GRB2: variants seen among roughly 807,000 people sequenced by gnomAD.
The protein encoded by GRB2 is growth factor receptor-bound protein 2.
Under a neutral mutation model 27.4 loss-of-function variants are expected in GRB2, and 2 were observed. The ratio of observed to expected loss-of-function variants is 0.07; its 90% CI spans 0.03 to 0.23. The LOEUF is 0.23. GRB2 is among the 10% of genes least tolerant of loss of function. The pLI is 1.00. For synonymous variants in GRB2, 94 were observed against 99.6 expected (o/e 0.94, Z 0.33); for missense variants, 102 against 282.4 (o/e 0.36, Z 4.58).
intron 2 of GRB2, among the ~76,000 whole-genome samples, chr17:75,349,676 C>T (rs769879200): frequency 2.6e-5 from 4 of 151,924 alleles, no homozygotes; most frequent in Non-Finnish European, 5.9e-5. Flanking sequence ...CCCACCACCA[C>T]GCCTGGCTAA....
At chr17:75,345,209 A>AT (rs1481829376) in intron 2 of GRB2, among the ~76,000 whole-genome samples, 2 of 151,244 alleles carry the variant, frequency 1.3e-5, no homozygotes, top group Admixed American at 1.3e-4. Flanking sequence ...CGCCTGGCTA[A>AT]TTTTTTTTGT....
intron 2 of GRB2, among the ~76,000 whole-genome samples, chr17:75,370,336 T>C (rs1177076960): frequency 6.6e-6 from 1 of 152,232 alleles, no homozygotes; most frequent in Non-Finnish European, 1.5e-5. Flanking sequence ...GTGTCAAATC[T>C]GTCCGCATGA....
intron 2 of GRB2, among the ~76,000 whole-genome samples, chr17:75,336,172 C>T (rs1567859417): frequency 6.6e-6 from 1 of 152,156 alleles, no homozygotes; most frequent in Non-Finnish European, 1.5e-5. Flanking sequence ...AAGCATCATC[C>T]TATAGTAATA....
At position 75,320,592 on chromosome 17, in the gene GRB2, T is replaced by C. The variant is rs2078451908; in HGVS notation, c.469-39A>G. 2 of 1,561,526 alleles carry C rather than the reference T, an allele frequency of 1.3e-6. No homozygotes were observed. The highest frequency in any genetic ancestry group is 2.3e-5 in the East Asian group (1 of 44,280). ...GCAGGAAAAACCCACATTGCATTCC[T>C]GGTCTGTGACTGGCCACCTCCGAGG... On this transcript the variant is annotated intron_variant, in intron 5 of 5. Coordinates refer to ENST00000316804, the MANE Select transcript of GRB2 (RefSeq NM_002086.5). This position sits in a 1 kb window ranked among gnomAD's most constrained non-coding sequence, Gnocchi z 4.3.
chr17:75,323,481 C>T (rs2078474588), intron 4 of GRB2, among the ~76,000 whole-genome samples: 1 of 152,182 alleles, frequency 6.6e-6, no homozygotes, highest in African/African-American at 2.4e-5. Flanking sequence ...CTCAAAACAT[C>T]CTAAAACTAA....
At chr17:75,344,769 A>C (rs2078643829) in intron 2 of GRB2, among the ~76,000 whole-genome samples, 2 of 152,088 alleles carry the variant, frequency 1.3e-5, no homozygotes, top group African/African-American at 4.8e-5. Context: ...TAACAGAAGG[A>C]GGCTTTTAAT....
intron 2 of GRB2, among the ~76,000 whole-genome samples, chr17:75,370,448 G>A (rs1214516020): frequency 6.6e-6 from 1 of 152,190 alleles, no homozygotes; most frequent in Non-Finnish European, 1.5e-5. Context: ...CTTCCAGGCT[G>A]GTACAGCTAT....
At chr17:75,334,207 G>A (rs1178265764) in intron 2 of GRB2, among the ~76,000 whole-genome samples, 2 of 151,614 alleles carry the variant, frequency 1.3e-5, no homozygotes, top group Non-Finnish European at 1.5e-5. Context: ...GTCTCGCTCT[G>A]TCGCCCAGGC....
intron 2 of GRB2, among the ~76,000 whole-genome samples, chr17:75,346,578 CTTTTTT>C (rs775027742): frequency 1.2e-4 from 8 of 68,754 alleles, no homozygotes; most frequent in South Asian, 6.5e-4. Flanking sequence ...CTTTTCTTGC[CTTTTTT>C]TTTTTTTTTT....
chr17:75,367,749 T>C (rs188053499), intron 2 of GRB2, among the ~76,000 whole-genome samples: 23 of 152,368 alleles, frequency 1.5e-4, no homozygotes, highest in Non-Finnish European at 2.5e-4. Flanking sequence ...ATTCCTAATT[T>C]ACTCATTTCT....
chr17:75,321,257 A>G lies in GRB2; in HGVS notation c.468+402T>C, dbSNP rs140234518. On this transcript the variant is annotated intron_variant, in intron 5 of 5. Coordinates refer to ENST00000316804, the MANE Select transcript of GRB2 (RefSeq NM_002086.5). Reference sequence around the variant, plus strand: ...AGTGGTGCAATCTCAGCTCACTACAATCTCCACCTCCTGGGTTCAAGCAAT... The same window carrying G: ...AGTGGTGCAATCTCAGCTCACTACAGTCTCCACCTCCTGGGTTCAAGCAAT... 7.5e-3 allele frequency among the ~76,000 whole-genome samples: 1,099 copies of G among 146,862 alleles called. 8 individuals carry two copies. The highest frequency in any genetic ancestry group is 0.026 in the African/African-American group (1,018 of 38,560).
Position 75,320,095 on chromosome 17 carries a change from A to G in GRB2, c.*273T>C. 1 of 366,082 alleles carries G rather than the reference A, an allele frequency of 2.7e-6. No individual in the cohort carries two copies. The allele number at this position is 366,082 out of a possible 1,614,324, so 22.7% of individuals were successfully genotyped here. On this transcript the variant is annotated 3_prime_UTR_variant, in exon 6 of 6. Coordinates refer to ENST00000316804, the MANE Select transcript of GRB2 (RefSeq NM_002086.5). The surrounding 1 kb of genome is among the most constrained non-coding windows in gnomAD (Gnocchi z 4.3). The stretch of plus-strand genomic sequence containing the variant: ...TGCACTGATGGACAGAAGAGAAAAA[A>G]GGATGAAAAAAAAGACAAAGGAGGG...
intron 1 of GRB2, chr17:75,394,378 A>G (rs2079017688): frequency 6.6e-6 from 1 of 152,194 alleles, no homozygotes; most frequent in Admixed American, 6.5e-5. Context: ...ATTTACTGCT[A>G]CAAGCACCGG....
At chr17:75,349,994 T>C (rs571678779) in intron 2 of GRB2, among the ~76,000 whole-genome samples, 2 of 151,020 alleles carry the variant, frequency 1.3e-5, no homozygotes, top group Non-Finnish European at 2.9e-5. Context: ...CTAATGTTCA[T>C]ACCTATTAAC....
At chr17:75,330,080 G>A (rs1029293472) in intron 3 of GRB2, among the ~76,000 whole-genome samples, 2 of 151,976 alleles carry the variant, frequency 1.3e-5, no homozygotes, top group African/African-American at 4.8e-5. Context: ...TGTTTTGAAA[G>A]TCTTTAAAAA....
chr17:75,338,709 G>A, intron 2 of GRB2: 1 of 468,722 alleles, frequency 2.1e-6, no homozygotes. Context: ...CAAAGAGACT[G>A]AAAATAATGT....
At position 75,389,083 on chromosome 17, in the gene GRB2, T is replaced by C. The variant is rs917145716; in HGVS notation, c.78+4468A>G. Among the ~76,000 whole-genome samples, 12 of 152,136 alleles carry C rather than the reference T, an allele frequency of 7.9e-5. 1 individual carries two copies. Among genetic ancestry groups the C allele is most frequent in the Non-Finnish European group, 1.8e-4 (12 of 68,014 alleles). On this transcript the variant is annotated intron_variant, in intron 2 of 5. Coordinates refer to ENST00000316804, the MANE Select transcript of GRB2 (RefSeq NM_002086.5). ...CCAGCCTTGCCCCCTTGCAATTCTT[T>C]ATACACACACACACAATGCTCTTCA...
chr17:75,392,986 G>A (rs1182828288), intron 2 of GRB2, among the ~76,000 whole-genome samples: 1 of 152,142 alleles, frequency 6.6e-6, no homozygotes. Flanking sequence ...ACAATAGCAG[G>A]TTGCACCTTA....
At chr17:75,330,224 A>G (rs939599271) in intron 3 of GRB2, among the ~76,000 whole-genome samples, 4 of 151,948 alleles carry the variant, frequency 2.6e-5, no homozygotes, top group African/African-American at 9.7e-5. Flanking sequence ...TCTACTAAAA[A>G]TACAAAAATT....
Sources: gnomAD v4.1 joint callset for allele counts (sites outside exome capture counted in the v4.1 genomes callset) on GRCh38, gnomAD v4.1.1 for gene constraint, Gnocchi (gnomAD v3.1) non-coding constraint, MANE v1.5 for transcripts, NCBI Gene and HGNC (gene_info 2026-07-23, HGNC 2026-07-21) for gene names.